VPS13A: variants seen among roughly 807,000 people sequenced by gnomAD.
VPS13A encodes intermembrane lipid transfer protein VPS13A.
In VPS13A, 264 loss-of-function variants were observed where a neutral mutation model predicts 390.9. The observed-to-expected ratio is 0.68, with a 90% confidence interval of 0.61 to 0.75. The LOEUF (loss-of-function observed/expected upper bound fraction) is 0.75, where lower values mean the gene tolerates loss of function less well. VPS13A is among the 30% of genes least tolerant of loss of function. The pLI, the probability that VPS13A is intolerant of heterozygous loss-of-function variation, is 0.00. For missense variants in VPS13A, 3,409 were observed against 3,733.9 expected, an observed-to-expected ratio of 0.91 and a Z score of 2.27; for synonymous variants, 1,231 against 1,227.1, an observed-to-expected ratio of 1.00 and a Z score of -0.07.
In VPS13A at chr9:77,316,245, G is replaced by A. The variant is rs375952961; in HGVS notation, c.4702G>A (p.Asp1568Asn). ...AAATCCTGAAATTGTGTTTGTAGCT[G>A]ACATGACAAAAAATGATGCTCCTGC... Reference protein sequence around the residue: ...IKNPEIVFVADMTKNDAPALV... With the variant: ...IKNPEIVFVANMTKNDAPALV... The change falls in exon 39 of 72, where the codon GAC (aspartate) becomes AAC (asparagine). Residue 1568 changes from aspartate to asparagine, a missense_variant. Physicochemically the swap from Asp to Asn is conservative, Grantham distance 23. Around this residue, in one of 5 missense-constraint regions of VPS13A, gnomAD observed 2,717 missense variants for 2,917.4 expected, o/e 0.93. Coordinates refer to ENST00000360280, the MANE Select transcript of VPS13A (RefSeq NM_033305.3). The A allele has an allele frequency of 2.3e-5, 37 of 1,613,030 alleles. No homozygotes were observed. The highest frequency in any genetic ancestry group is 2.9e-5 in the Non-Finnish European group (34 of 1,179,390).
chr9:77,221,842 A>C (rs1479089989), intron 13 of VPS13A, among the ~76,000 whole-genome samples: 2 of 152,022 alleles, frequency 1.3e-5, no homozygotes, highest in Non-Finnish European at 2.9e-5. Flanking sequence ...AATTCTACTC[A>C]TCCCTGAAGT....
At chr9:77,390,684 GTTGT>G in intron 68 of VPS13A, among the ~76,000 whole-genome samples, 1 of 118,654 alleles carries the variant, frequency 8.4e-6, no homozygotes, top group South Asian at 2.7e-4. Flanking sequence ...TGTTGTTGTT[GTTGT>G]TTGTTGTTGA....
intron 70 of VPS13A, among the ~76,000 whole-genome samples, chr9:77,406,382 C>T (rs1305355088): frequency 6.6e-6 from 1 of 152,116 alleles, no homozygotes; most frequent in Non-Finnish European, 1.5e-5. Flanking sequence ...TTCCCCTTCC[C>T]CCTTTTCATG....
Position 77,279,883 on chromosome 9 carries a change from AT to A in VPS13A, c.2825-274del, listed in dbSNP as rs377165355. On this transcript the variant is annotated intron_variant, in intron 26 of 71. Coordinates refer to ENST00000360280, the MANE Select transcript of VPS13A (RefSeq NM_033305.3). ...AACCATTCTAGTTTCTCTTTAGTTG[AT>A]TCCTGTTTTTTCTTACCTTACCTCC... 3.6e-4 allele frequency: 84 copies of A among 230,446 alleles called. No individual in the cohort carries two copies. The East Asian group carries it at 8.1e-3, about 22-fold the overall frequency. 14.3% of individuals were successfully genotyped at this position (230,446 alleles called of 1,614,324 possible).
intron 50 of VPS13A, among the ~76,000 whole-genome samples, chr9:77,341,044 A>C (rs979135006): frequency 1.3e-5 from 2 of 152,150 alleles, no homozygotes; most frequent in Non-Finnish European, 2.9e-5. Flanking sequence ...TTTTTGAAGA[A>C]CTTTTATTCT....
At chr9:77,393,859 C>T (rs1251003620) in intron 68 of VPS13A, among the ~76,000 whole-genome samples, 1 of 152,120 alleles carries the variant, frequency 6.6e-6, no homozygotes, top group Non-Finnish European at 1.5e-5. Context: ...ACCTCCGCCT[C>T]CTGGGTTCAA....
At chr9:77,382,580 A>G (rs1371853028) in intron 68 of VPS13A, 4 of 1,114,102 alleles carry the variant, frequency 3.6e-6, no homozygotes, top group East Asian at 5.4e-5. Flanking sequence ...TTATTAAACC[A>G]CTGGTAGCTT....
chr9:77,292,701 A>G (rs1206244791), intron 31 of VPS13A, among the ~76,000 whole-genome samples: 1 of 152,188 alleles, frequency 6.6e-6, no homozygotes, highest in Non-Finnish European at 1.5e-5. Flanking sequence ...GAATTGAGAA[A>G]GTTATGAGCT....
chr9:77,329,617 A>G (rs749305159), intron 45 of VPS13A, among the ~76,000 whole-genome samples: 2 of 152,202 alleles, frequency 1.3e-5, no homozygotes, highest in Non-Finnish European at 2.9e-5. Context: ...AGATTGAAAT[A>G]TTGTGAGAGT....
intron 52 of VPS13A, among the ~76,000 whole-genome samples, chr9:77,349,438 C>T (rs940018844): frequency 2.6e-5 from 4 of 152,036 alleles, no homozygotes; most frequent in Non-Finnish European, 4.4e-5. Context: ...GGTAGTTTTT[C>T]GATTCTCACC....
chr9:77,338,039 G>T lies in VPS13A; in HGVS notation c.6378+502G>T, dbSNP rs534534419. 2.0e-5 allele frequency: 3 copies of T among 153,842 alleles called. 1 individual carries two copies. In the East Asian group the frequency reaches 5.7e-4, roughly 29 times the overall value. 9.5% of individuals were successfully genotyped at this position (153,842 alleles called of 1,614,324 possible). On this transcript the variant is annotated intron_variant, in intron 47 of 71. Coordinates refer to ENST00000360280, the MANE Select transcript of VPS13A (RefSeq NM_033305.3). ...TGCTCAGACTGGAGTGCAATGATGC[G>T]ATCATAGCTCACTGTAGTCTCAAAC...
intron 8 of VPS13A, 23 bp from the exon 9 acceptor site, chr9:77,213,211 C>T (rs761927584): frequency 1.7e-5 from 28 of 1,601,546 alleles, no homozygotes; most frequent in Non-Finnish European, 2.2e-5. Context: ...GAAAATGAGA[C>T]ATCTAATAAA....
chr9:77,344,099 A>G lies in VPS13A; in HGVS notation c.7027-54A>G, dbSNP rs72746022. 124,070 of 1,420,958 alleles carry G rather than the reference A, an allele frequency of 0.087. 6,298 individuals are homozygous for G. The highest frequency in any genetic ancestry group is 0.14 in the South Asian group (11,350 of 80,778). 88.0% of individuals were successfully genotyped at this position (1,420,958 alleles called of 1,614,324 possible). ...TGATGGGAATATTAAGATGATTTAT[A>G]TATTTATGGTGAAATCTGTTTATTT... On this transcript the variant is annotated intron_variant, in intron 50 of 71. Transcript: ENST00000360280.
chr9:77,321,798 T>A (rs748832112), intron 44 of VPS13A, 52 bp downstream of exon 44: 1 of 1,592,564 alleles, frequency 6.3e-7, no homozygotes, highest in South Asian at 1.1e-5. Context: ...TAAATTACAA[T>A]TTACATGTTA....
At chr9:77,376,232 A>G (rs578097825) in intron 67 of VPS13A, among the ~76,000 whole-genome samples, 25 of 152,288 alleles carry the variant, frequency 1.6e-4, no homozygotes, top group African/African-American at 6.0e-4. Flanking sequence ...GAACGGGGAA[A>G]GTTGAAGAAG....
At position 77,378,248 on chromosome 9, in the gene VPS13A, A is replaced by C. The variant is rs142794398; in HGVS notation, c.9078-3728A>C. On this transcript the variant is annotated intron_variant, in intron 67 of 71. Transcript: ENST00000360280. ...GAGCGTTGATGTTAATTAAAAAAAA[A>C]ATTTGGAGAATTGATCAGTGAAACC... is the stretch of plus-strand genomic sequence containing the variant. 4.3e-3 allele frequency among the ~76,000 whole-genome samples: 653 copies of C among 152,190 alleles called. 4 individuals are homozygous for C. Among genetic ancestry groups the C allele is most frequent in the South Asian group, 0.01 (49 of 4,824 alleles).
intron 2 of VPS13A, among the ~76,000 whole-genome samples, chr9:77,200,614 TG>T (rs1825275265): frequency 6.6e-6 from 1 of 152,150 alleles, no homozygotes; most frequent in African/African-American, 2.4e-5. Flanking sequence ...TGCAGTGCAG[TG>T]GTGTGATCAT....
Position 77,290,100 on chromosome 9 carries a change from T to C in VPS13A, c.3340-3241T>C, listed in dbSNP as rs562761577. On this transcript the variant is annotated intron_variant, in intron 31 of 71. Transcript: ENST00000360280. ...TCTGGCACTTTCTCATTTTTTATAA[T>C]GCAGGTCTGCCAGTAATGACTTCTC... Among the ~76,000 whole-genome samples, 362 of 152,282 alleles carry C rather than the reference T, an allele frequency of 2.4e-3. 1 individual carries two copies. The highest frequency in any genetic ancestry group is 8.2e-3 in the African/African-American group (340 of 41,566).
intron 7 of VPS13A, 99 bp downstream of exon 7, chr9:77,210,774 A>C (rs148497564): frequency 2.4e-6 from 3 of 1,240,856 alleles, no homozygotes; most frequent in South Asian, 1.2e-5. Flanking sequence ...ATAGGTGTCT[A>C]TGTAGAACGG....
Sources: gnomAD v4.1 joint callset for allele counts (sites outside exome capture counted in the v4.1 genomes callset) on GRCh38, gnomAD v4.1.1 for gene constraint, gnomAD v4.1.1 regional missense constraint, MANE v1.5 for transcripts, NCBI Gene and HGNC (gene_info 2026-07-23, HGNC 2026-07-21) for gene names.